EFCAB5: variants seen among roughly 807,000 people sequenced by gnomAD.
The protein encoded by EFCAB5 is EF-hand calcium-binding domain-containing protein 5.
Under a neutral mutation model 167.9 loss-of-function variants are expected in EFCAB5, and 131 were observed. The observed-to-expected ratio is 0.78, with a 90% CI of 0.68 to 0.90. The LOEUF is 0.90. Among genes scored for constraint, EFCAB5 ranks in the 40% least tolerant of loss-of-function variants. The pLI is 0.00. For missense variants in EFCAB5, 1,663 were observed against 1,745.2 expected (o/e 0.95, Z 0.84); for synonymous variants, 574 against 602.8 (o/e 0.95, Z 0.70).
chr17:30,038,501 G>C (rs751411927), intron 8 of EFCAB5, among the ~76,000 whole-genome samples: 2 of 152,194 alleles, frequency 1.3e-5, no homozygotes, highest in Non-Finnish European at 2.9e-5. Flanking sequence ...GATGTACAAG[G>C]AGATGAATGT....
At chr17:30,000,952 C>T (rs1459840593) in intron 7 of EFCAB5, among the ~76,000 whole-genome samples, 8 of 152,172 alleles carry the variant, frequency 5.3e-5, no homozygotes, top group Admixed American at 5.2e-4. Flanking sequence ...CTAAATCAAC[C>T]CAGAACCAGG....
chr17:30,020,369 T>C (rs1431384611), intron 7 of EFCAB5, among the ~76,000 whole-genome samples: 1 of 150,844 alleles, frequency 6.6e-6, no homozygotes, highest in Non-Finnish European at 1.5e-5. Flanking sequence ...TTTTTTTTTT[T>C]CTTTTTTTTT....
intron 7 of EFCAB5, among the ~76,000 whole-genome samples, chr17:30,014,598 T>C (rs1054586970): frequency 2.0e-5 from 3 of 152,200 alleles, no homozygotes; most frequent in African/African-American, 2.4e-5. Context: ...TTAAAGTCTG[T>C]TTTATCAGAA....
rs1597732079 is a variant in EFCAB5, at chr17:30,053,996, G to C, written c.2042G>C (p.Ser681Thr). Residue 681 changes from serine (S) to threonine (T), a missense_variant, in exon 10 of 23, where the codon AGT becomes ACT. By Grantham distance (58) the Ser-to-Thr change is moderately conservative. Transcript: ENST00000394835. ...SQSRKDSILK[S>T]TKYGEPITSE... ...TCAAGAAAAGATAGTATCTTAAAAA[G>C]TACAAAATATGGGGAACCTATAACC... 6.2e-7 allele frequency: 1 copy of C among 1,612,468 alleles called. No individual in the cohort carries two copies. Among genetic ancestry groups the C allele is most frequent in the African/African-American group, 1.3e-5 (1 of 75,024 alleles).
At chr17:30,059,392 T>C in intron 13 of EFCAB5, 153 bp from the exon 14 acceptor site, 1 of 742,054 alleles carries the variant, frequency 1.3e-6, no homozygotes, top group East Asian at 3.0e-5. Flanking sequence ...GCACCACTGC[T>C]GAATCACTGC....
intron 3 of EFCAB5, among the ~76,000 whole-genome samples, chr17:29,946,615 T>G (rs766645122): frequency 2.0e-5 from 3 of 151,848 alleles, no homozygotes; most frequent in Non-Finnish European, 2.9e-5. Flanking sequence ...TTTTTCTATT[T>G]TTTTAGTAGA....
chr17:30,062,228 A>G (rs944116008), intron 14 of EFCAB5, among the ~76,000 whole-genome samples: 5 of 152,318 alleles, frequency 3.3e-5, no homozygotes, highest in Middle Eastern at 6.8e-3. Context: ...ATAAACAATT[A>G]CATTAAGAAA....
intron 3 of EFCAB5, among the ~76,000 whole-genome samples, chr17:29,964,547 C>A (rs1369757709): frequency 6.6e-6 from 1 of 152,154 alleles, no homozygotes; most frequent in Non-Finnish European, 1.5e-5. Flanking sequence ...CCTGCCTTGG[C>A]CTCCCAAAGT....
At chr17:30,030,594 C>T (rs1032843517) in intron 7 of EFCAB5, among the ~76,000 whole-genome samples, 35 of 152,084 alleles carry the variant, frequency 2.3e-4, no homozygotes, top group African/African-American at 7.7e-4. Context: ...CCGCCCACCT[C>T]GGCCTCCCAA....
In EFCAB5 at chr17:29,943,467, T is replaced by C. The variant is rs188181304; in HGVS notation, c.106-98T>C. The C allele has an allele frequency of 2.1e-4, 226 of 1,067,304 alleles. 2 individuals carry two copies. The East Asian group carries it at 6.6e-3, about 31-fold the overall frequency. The allele number at this position is 1,067,304 out of a possible 1,614,324, so 66.1% of individuals were successfully genotyped here. On this transcript the variant is annotated intron_variant, in intron 2 of 22. Coordinates refer to ENST00000394835, the MANE Select transcript of EFCAB5 (RefSeq NM_198529.4). The stretch of plus-strand genomic sequence containing the variant: ...TAACTAGGAATGTTTGGTTAACTCT[T>C]ACAAAGCAATTAACTTTCCTTTAAT...
At position 30,078,165 on chromosome 17, in the gene EFCAB5, C is replaced by G. The variant is rs747773193; in HGVS notation, c.2738-50C>G. On this transcript the variant is annotated intron_variant, in intron 14 of 22. Transcript: ENST00000394835. ...AGAGGAGAATGAAAATCCCCCCCAC[C>G]AATGAGTGAACTTTTGGTTAGTTCT... 3.2e-6 allele frequency: 5 copies of G among 1,539,240 alleles called. No individual in the cohort carries two copies. The Admixed American group carries it at 9.8e-5, about 30-fold the overall frequency.
chr17:30,017,969 T>C (rs758027931), intron 7 of EFCAB5, among the ~76,000 whole-genome samples: 2 of 152,210 alleles, frequency 1.3e-5, no homozygotes, highest in Admixed American at 6.5e-5. Flanking sequence ...GATTCATCTC[T>C]TACTTGGCTG....
At chr17:29,965,332 G>A (rs528819370) in intron 3 of EFCAB5, among the ~76,000 whole-genome samples, 13 of 151,932 alleles carry the variant, frequency 8.6e-5, no homozygotes, top group East Asian at 1.9e-4. Context: ...AGCTTTGTGC[G>A]TTTTCTAGTT....
chr17:30,066,374 A>AT (rs1293314308), intron 14 of EFCAB5, among the ~76,000 whole-genome samples: 1 of 151,944 alleles, frequency 6.6e-6, no homozygotes, highest in Non-Finnish European at 1.5e-5. Context: ...GGAATTTAAA[A>AT]TTTTTTTTGA....
intron 3 of EFCAB5, among the ~76,000 whole-genome samples, chr17:29,955,570 T>C (rs1233681813): frequency 6.6e-6 from 1 of 152,092 alleles, no homozygotes; most frequent in Admixed American, 6.6e-5. Context: ...CAGTCTGGGA[T>C]ATGCCTTTAT....
intron 4 of EFCAB5, among the ~76,000 whole-genome samples, chr17:29,973,425 A>G (rs2151589545): frequency 6.6e-6 from 1 of 152,070 alleles, no homozygotes; most frequent in Non-Finnish European, 1.5e-5. Flanking sequence ...TGACAGTTGC[A>G]TATTAATGTT....
At chr17:29,960,621 G>A (rs1353831294) in intron 3 of EFCAB5, among the ~76,000 whole-genome samples, 1 of 151,836 alleles carries the variant, frequency 6.6e-6, no homozygotes, top group African/African-American at 2.4e-5. Flanking sequence ...TTTTTCAATG[G>A]GTGAATGATA....
At chr17:29,938,548 T>C (rs1313872805), upstream of EFCAB5, among the ~76,000 whole-genome samples, 1 of 152,230 alleles carries the variant, frequency 6.6e-6, no homozygotes, top group Non-Finnish European at 1.5e-5. Flanking sequence ...TTACCCACAG[T>C]GGAACTTCTT....
chr17:30,070,537 T>G (rs1444897725), intron 14 of EFCAB5, among the ~76,000 whole-genome samples: 3 of 152,108 alleles, frequency 2.0e-5, no homozygotes, highest in Admixed American at 6.5e-5. Flanking sequence ...AATCCATATA[T>G]TTACAGCCAA....
Sources: allele counts gnomAD v4.1 joint callset (sites outside exome capture counted in the v4.1 genomes callset), GRCh38; gene constraint gnomAD v4.1.1; transcripts MANE v1.5; gene names NCBI Gene and HGNC (gene_info 2026-07-23, HGNC 2026-07-21).